TCTN1: variants seen among roughly 807,000 people sequenced by gnomAD.
The protein encoded by TCTN1 is tectonic-1.
A neutral mutation model predicts 65.8 loss-of-function variants in TCTN1; 58 were observed. The ratio of observed to expected loss-of-function variants is 0.88; its 90% CI spans 0.71 to 1.10. The LOEUF is 1.10. TCTN1 is among the 50% of genes least tolerant of loss of function. The probability of loss-of-function intolerance (pLI) is 0.00; values close to 1 mark genes in which losing one functional copy is unlikely to be tolerated. For missense variants in TCTN1, 645 were observed against 719.4 expected (o/e 0.90, Z 1.18); for synonymous variants, 273 against 289.1 (o/e 0.94, Z 0.57).
chr12:110,625,579 T>G (rs1277579923), intron 2 of TCTN1: 1 of 151,688 alleles, frequency 6.6e-6, no homozygotes, highest in Non-Finnish European at 1.5e-5. Flanking sequence ...ACCCTGTCTC[T>G]AATAAAAATA....
Position 110,614,167 on chromosome 12 carries a change from T to C in TCTN1, c.-16T>C. Reference sequence around the variant, plus strand: ...GCGCTGTCCATGTCGCGGGCCTCGCTGGGACTCCCTGGGAGATGAGGCCGC... The same window carrying C: ...GCGCTGTCCATGTCGCGGGCCTCGCCGGGACTCCCTGGGAGATGAGGCCGC... On this transcript the variant is annotated 5_prime_UTR_variant, in exon 1 of 15. Transcript: ENST00000397659. 1 of 1,548,734 alleles carries C rather than the reference T, an allele frequency of 6.5e-7. No individual in the cohort carries two copies. The highest frequency in any genetic ancestry group is 8.7e-7 in the Non-Finnish European group (1 of 1,147,488).
In TCTN1 at chr12:110,634,377, A is replaced by G. The variant is rs1186277069; in HGVS notation, c.713-293A>G. ...CTCATGAATGTATTCTTTTTGAAAA[A>G]TAATTTAAAACATTGTAGGCCAGGC... On this transcript the variant is annotated intron_variant, in intron 5 of 14. Coordinates refer to ENST00000397659, the MANE Select transcript of TCTN1 (RefSeq NM_001082538.3). The G allele has an allele frequency of 6.3e-6, 3 of 474,636 alleles. 1 individual carries two copies. The highest frequency in any genetic ancestry group is 3.5e-4 in the Middle Eastern group (1 of 2,846). The allele number at this position is 474,636 out of a possible 1,614,324, so 29.4% of individuals were successfully genotyped here.
rs1051552483 is a variant in TCTN1, at chr12:110,628,003, A to G, written c.473-764A>G. ...CTGTCAGGTTCTCTGTCGTAACACCAGCCCAGTGAACATGCCAGCCTGCTT... is the reference window on the plus strand; with the variant it reads ...CTGTCAGGTTCTCTGTCGTAACACCGGCCCAGTGAACATGCCAGCCTGCTT... On this transcript the variant is annotated intron_variant, in intron 3 of 14. Coordinates refer to ENST00000397659, the MANE Select transcript of TCTN1 (RefSeq NM_001082538.3). 8 of 1,524,496 alleles carry G rather than the reference A, an allele frequency of 5.2e-6. No homozygotes were observed. In the African/African-American group the frequency reaches 8.2e-5, roughly 16 times the overall value. The allele number at this position is 1,524,496 out of a possible 1,614,324, so 94.4% of individuals were successfully genotyped here.
At position 110,630,868 on chromosome 12, in the gene TCTN1, C is replaced by T. The variant is rs115968723; in HGVS notation, c.625-1604C>T. 8.4e-3 allele frequency among the ~76,000 whole-genome samples: 1,283 copies of T among 152,284 alleles called. 27 individuals carry two copies. The highest frequency in any genetic ancestry group is 0.03 in the African/African-American group (1,232 of 41,552). On this transcript the variant is annotated intron_variant, in intron 4 of 14. Coordinates refer to ENST00000397659, the MANE Select transcript of TCTN1 (RefSeq NM_001082538.3). ...TTTCAGGCATTACTTCATGCACCCC[C>T]CTGGGAGGGATGCACCATTGTCTCC...
intron 2 of TCTN1, among the ~76,000 whole-genome samples, chr12:110,624,497 A>G (rs187283614): frequency 6.6e-6 from 1 of 151,956 alleles, no homozygotes; most frequent in East Asian, 1.9e-4. Context: ...GGCATGAGCC[A>G]TGGTGCTTGG....
intron 4 of TCTN1, chr12:110,629,912 T>C (rs920016706): frequency 6.6e-6 from 1 of 152,040 alleles, no homozygotes; most frequent in Non-Finnish European, 1.5e-5. Context: ...TAAGCAGCCA[T>C]AAAAAAGGAT....
intron 5 of TCTN1, among the ~76,000 whole-genome samples, chr12:110,634,207 A>C (rs2066410577): frequency 6.6e-6 from 1 of 152,146 alleles, no homozygotes; most frequent in African/African-American, 2.4e-5. Context: ...ATTTGTTTTT[A>C]TTTCCATAGA....
At chr12:110,646,263 C>G (rs985345575) in intron 12 of TCTN1, 1 of 152,118 alleles carries the variant, frequency 6.6e-6, no homozygotes, top group Non-Finnish European at 1.5e-5. Flanking sequence ...ACAGGGTATT[C>G]GAGAGGATTG....
intron 4 of TCTN1, chr12:110,630,023 T>C (rs535221269): frequency 2.0e-5 from 3 of 151,890 alleles, no homozygotes; most frequent in Non-Finnish European, 2.9e-5. Context: ...AGTTGAACAA[T>C]GAGAACACAT....
chr12:110,638,985 C>T (rs1229040500), intron 7 of TCTN1, among the ~76,000 whole-genome samples: 1 of 152,220 alleles, frequency 6.6e-6, no homozygotes, highest in Non-Finnish European at 1.5e-5. Flanking sequence ...TGACAGCTCA[C>T]GTCTTTGTTA....
Position 110,632,563 on chromosome 12 carries a change from A to G in TCTN1, c.712+4A>G. On this transcript the variant is annotated splice_donor_region_variant and intron_variant, in intron 5 of 14. Transcript: ENST00000397659. ...TGCACTGATAATAACCCTGCAGGTA[A>G]GAAAGTGGTCATTCTTCTTTCCTTA... is the stretch of plus-strand genomic sequence containing the variant. 2 of 1,613,682 alleles carry G rather than the reference A, an allele frequency of 1.2e-6. No individual in the cohort carries two copies. The highest frequency in any genetic ancestry group is 1.7e-6 in the Non-Finnish European group (2 of 1,179,682).
chr12:110,646,940 CA>C (rs2067353510), intron 12 of TCTN1: 2 of 478,400 alleles, frequency 4.2e-6, no homozygotes, highest in Admixed American at 6.7e-5. Context: ...GGCACTACCG[CA>C]GTTTCAGGTG....
At chr12:110,615,664 AGTAGAGATGAGATCTC>A (rs2064987231) in intron 1 of TCTN1, among the ~76,000 whole-genome samples, 1 of 151,928 alleles carries the variant, frequency 6.6e-6, no homozygotes, top group African/African-American at 2.4e-5. Context: ...TTTTATTTTT[AGTAGAGATGAGATCTC>A]GCTATGTTGT....
intron 6 of TCTN1, chr12:110,636,032 T>C (rs777595815): frequency 6.3e-5 from 12 of 189,336 alleles, no homozygotes; most frequent in Non-Finnish European, 1.1e-4. Context: ...CAAGAGCTTG[T>C]CATTGAGGAG....
rs1233777002 is a variant in TCTN1 at position 110,639,787 on chromosome 12, C to A, written c.844-596C>A. ...TAATTCCGGAACATTTCCATCACCC[C>A]AAAAAGGAGCCTTGTGTTAGCAGTC... On this transcript the variant is annotated intron_variant, in intron 7 of 14. Transcript: ENST00000397659. The surrounding 1 kb of genome is among the most constrained non-coding windows in gnomAD (Gnocchi z 4.9). Among the ~76,000 whole-genome samples the A allele has an allele frequency of 6.6e-6, 1 of 152,134 alleles. No homozygotes were observed. Among genetic ancestry groups the A allele is most frequent in the Non-Finnish European group, 1.5e-5 (1 of 68,016 alleles).
At chr12:110,628,122 A>G in intron 3 of TCTN1, 3 of 1,536,086 alleles carry the variant, frequency 2.0e-6, no homozygotes, top group Non-Finnish European at 2.6e-6. Context: ...TCCCATAGCC[A>G]TCCGGAGAGA....
rs867956029 is a variant in TCTN1 at position 110,640,034 on chromosome 12, G to C, written c.844-349G>C. On this transcript the variant is annotated intron_variant, in intron 7 of 14. Coordinates refer to ENST00000397659, the MANE Select transcript of TCTN1 (RefSeq NM_001082538.3). This position sits in a 1 kb window ranked among gnomAD's most constrained non-coding sequence, Gnocchi z 4.9. ...TGAGTCATATGCCTTTGTAAGGCTA[G>C]ACTTTGTATTTATCCATTCATCAGT... 2.0e-5 allele frequency among the ~76,000 whole-genome samples: 3 copies of C among 152,298 alleles called. No homozygotes were observed. Among genetic ancestry groups the C allele is most frequent in the African/African-American group, 7.2e-5 (3 of 41,562 alleles).
Position 110,626,365 on chromosome 12 carries a change from C to T in TCTN1, c.345C>T (p.Gly115=), listed in dbSNP as rs747812152. The part of the protein sequence containing the change: ...FSACSVPVVT[G]DSQFCSQKAV... ...TTATTATTTTTTTAATTTTCAGGGG[C>T]GACAGCCAGTTTTGTAGTCAAAAAG... The change falls in exon 3 of 15, where the codon GGC becomes GGT. Residue 115 remains glycine, a synonymous_variant. Transcript: ENST00000397659. 9 of 1,575,594 alleles carry T rather than the reference C, an allele frequency of 5.7e-6. No homozygotes were observed. Among genetic ancestry groups the T allele is most frequent in the African/African-American group, 2.7e-5 (2 of 74,176 alleles).
chr12:110,630,894 A>G (rs1001756133), intron 4 of TCTN1, among the ~76,000 whole-genome samples: 1 of 152,198 alleles, frequency 6.6e-6, no homozygotes, highest in African/African-American at 2.4e-5. Flanking sequence ...CATTGTCTCC[A>G]TTTACCTGAT....
Sources: gnomAD v4.1 joint callset for allele counts (sites outside exome capture counted in the v4.1 genomes callset) on GRCh38, gnomAD v4.1.1 for gene constraint, Gnocchi (gnomAD v3.1) non-coding constraint, MANE v1.5 for transcripts, NCBI Gene and HGNC (gene_info 2026-07-23, HGNC 2026-07-21) for gene names.